SPAG16: variants seen among roughly 807,000 people sequenced by gnomAD.
SPAG16 encodes sperm-associated antigen 16 protein.
Under a neutral mutation model 80.4 loss-of-function variants are expected in SPAG16, and 86 were observed. The observed-to-expected ratio is 1.07, with a 90% CI of 0.90 to 1.28. The LOEUF is 1.28. Ranked by LOEUF, SPAG16 falls within the 50% of genes most tolerant of loss-of-function variation. The pLI is 0.00. For missense variants in SPAG16, 870 were observed against 765.3 expected (o/e 1.14, Z -1.61); for synonymous variants, 294 against 265.9 (o/e 1.11, Z -1.03).
intron 9 of SPAG16, among the ~76,000 whole-genome samples, chr2:213,434,537 G>A (rs1374063815): frequency 4.6e-5 from 7 of 152,182 alleles, no homozygotes; most frequent in Admixed American, 1.3e-4. Flanking sequence ...CAGACAACTT[G>A]CAGAATAGGA....
intron 9 of SPAG16, among the ~76,000 whole-genome samples, chr2:213,475,823 C>T (rs958449134): frequency 6.6e-6 from 1 of 152,096 alleles, no homozygotes; most frequent in Non-Finnish European, 1.5e-5. Context: ...GAAAAGGAAC[C>T]CTGAGAACTG....
chr2:214,223,230 G>A (rs545264648), intron 15 of SPAG16, among the ~76,000 whole-genome samples: 1 of 152,212 alleles, frequency 6.6e-6, no homozygotes, highest in Non-Finnish European at 1.5e-5. Flanking sequence ...TTGAGAAAGG[G>A]TTGAAGCATA....
chr2:213,322,411 A>C lies in SPAG16; in HGVS notation c.536+5055A>C, dbSNP rs1316252435. ...GAAAGCACCAGTGTACTTGAACTTT[A>C]ACATCTTGCAGTCTGACTTTCATTT... is the stretch of plus-strand genomic sequence containing the variant. On this transcript the variant is annotated intron_variant, in intron 5 of 15. Coordinates refer to ENST00000331683, the MANE Select transcript of SPAG16 (RefSeq NM_024532.5). 6.0e-5 allele frequency among the ~76,000 whole-genome samples: 9 copies of C among 150,846 alleles called. 1 individual carries two copies. Among genetic ancestry groups the C allele is most frequent in the African/African-American group, 2.2e-4 (9 of 41,104 alleles).
In SPAG16 at chr2:213,299,364, G is replaced by A. The variant is rs548346437; in HGVS notation, c.279+2007G>A. On this transcript the variant is annotated intron_variant, in intron 3 of 15. Coordinates refer to ENST00000331683, the MANE Select transcript of SPAG16 (RefSeq NM_024532.5). ...GTCGCCCAGGCTGGAGTCCAGTGGC[G>A]CAATCTTGGCTCACTGCAAGCTCTG... Among the ~76,000 whole-genome samples the A allele has an allele frequency of 4.7e-5, 7 of 150,336 alleles. No homozygotes were observed. In the South Asian group the frequency reaches 1.0e-3, roughly 23 times the overall value.
intron 15 of SPAG16, among the ~76,000 whole-genome samples, chr2:214,223,660 A>G (rs2058635290): frequency 6.6e-6 from 1 of 152,110 alleles, no homozygotes; most frequent in African/African-American, 2.4e-5. Flanking sequence ...TACTTCTATT[A>G]TAATAAAATA....
At chr2:213,768,891 G>A (rs947120106) in intron 10 of SPAG16, among the ~76,000 whole-genome samples, 3 of 152,188 alleles carry the variant, frequency 2.0e-5, no homozygotes, top group Admixed American at 1.3e-4. Flanking sequence ...TTAGAAAAGA[G>A]AAGGGGGTAA....
At chr2:214,141,076 T>A (rs776996892) in intron 14 of SPAG16, among the ~76,000 whole-genome samples, 1 of 152,052 alleles carries the variant, frequency 6.6e-6, no homozygotes, top group Non-Finnish European at 1.5e-5. Context: ...GAATTTTGCT[T>A]AAGATAAGAT....
At chr2:214,204,929 A>G (rs1331211536) in intron 15 of SPAG16, among the ~76,000 whole-genome samples, 1 of 152,160 alleles carries the variant, frequency 6.6e-6, no homozygotes, top group Non-Finnish European at 1.5e-5. Flanking sequence ...AATGAAATCA[A>G]AAAATAAAAA....
At chr2:213,894,234 A>G (rs1032818984) in intron 11 of SPAG16, among the ~76,000 whole-genome samples, 8 of 152,220 alleles carry the variant, frequency 5.3e-5, no homozygotes, top group African/African-American at 1.9e-4. Flanking sequence ...CATTAAAAAG[A>G]TCATTCACTA....
chr2:213,867,992 G>A (rs2075772291), intron 11 of SPAG16, among the ~76,000 whole-genome samples: 2 of 150,490 alleles, frequency 1.3e-5, no homozygotes, highest in Non-Finnish European at 3.0e-5. Flanking sequence ...CCACACAGTG[G>A]GCTACGAAGG....
intron 10 of SPAG16, among the ~76,000 whole-genome samples, chr2:213,623,011 G>A (rs933365256): frequency 2.6e-5 from 4 of 152,276 alleles, no homozygotes; most frequent in African/African-American, 9.6e-5. Flanking sequence ...ATTTTTAAAT[G>A]TGTCTCCTTT....
chr2:213,557,220 T>A (rs2059452308), intron 10 of SPAG16, among the ~76,000 whole-genome samples: 1 of 152,186 alleles, frequency 6.6e-6, no homozygotes, highest in Non-Finnish European at 1.5e-5. Context: ...AATAATGAGT[T>A]ACCTATCACC....
chr2:214,117,869 C>A (rs2125444034), intron 14 of SPAG16, among the ~76,000 whole-genome samples: 1 of 152,150 alleles, frequency 6.6e-6, no homozygotes, highest in Non-Finnish European at 1.5e-5. Flanking sequence ...ACAATAAAGG[C>A]CATATATGAG....
At chr2:213,719,246 C>T (rs1208612400) in intron 10 of SPAG16, among the ~76,000 whole-genome samples, 1 of 148,432 alleles carries the variant, frequency 6.7e-6, no homozygotes, top group African/African-American at 2.5e-5. Context: ...TCTGGTGGGG[C>T]CTTGGAGAAC....
At chr2:214,108,093 G>A in intron 13 of SPAG16, 103 bp from the exon 14 acceptor site, 2 of 785,616 alleles carry the variant, frequency 2.5e-6, no homozygotes, top group South Asian at 1.8e-5. Flanking sequence ...TTAATTCTGG[G>A]AGGAGGGGCT....
intron 10 of SPAG16, among the ~76,000 whole-genome samples, chr2:213,853,529 A>T (rs2075011853): frequency 6.6e-6 from 1 of 152,220 alleles, no homozygotes; most frequent in South Asian, 2.1e-4. Flanking sequence ...TGGATACTTC[A>T]TTAGGGCATG....
At chr2:213,996,613 G>C (rs111568039) in intron 12 of SPAG16, among the ~76,000 whole-genome samples, 3 of 139,316 alleles carry the variant, frequency 2.2e-5, no homozygotes, top group African/African-American at 8.2e-5. Context: ...CTGTCACTCA[G>C]GCTGGAGTGC....
At chr2:213,781,210 A>T (rs914520089) in intron 10 of SPAG16, among the ~76,000 whole-genome samples, 2 of 152,238 alleles carry the variant, frequency 1.3e-5, no homozygotes, top group Non-Finnish European at 1.5e-5. Context: ...TTTTAGGCGG[A>T]TGCCTCTGCC....
intron 14 of SPAG16, among the ~76,000 whole-genome samples, chr2:214,124,167 ATT>A (rs2054359783): frequency 6.6e-6 from 1 of 152,002 alleles, no homozygotes; most frequent in African/African-American, 2.4e-5. Context: ...ATTTTCTATC[ATT>A]GATTTTAAAT....
Sources: allele counts gnomAD v4.1 joint callset (sites outside exome capture counted in the v4.1 genomes callset), GRCh38; gene constraint gnomAD v4.1.1; transcripts MANE v1.5; gene names NCBI Gene and HGNC (gene_info 2026-07-23, HGNC 2026-07-21).